ZNF618: variants seen among roughly 807,000 people sequenced by gnomAD.
The protein encoded by ZNF618 is neural precursor cell expressed, developmentally down-regulated 10.
In ZNF618, 34 loss-of-function variants were observed where a neutral mutation model predicts 103.0. The observed-to-expected ratio is 0.33, with a 90% CI of 0.25 to 0.44. ZNF618 has a LOEUF of 0.44. Among genes scored for constraint, ZNF618 ranks in the 20% least tolerant of loss-of-function variants. ZNF618 has a pLI of 1.00. For synonymous variants in ZNF618, 551 were observed against 542.2 expected (o/e 1.02, Z -0.23); for missense variants, 1,059 against 1,295.4 (o/e 0.82, Z 2.80).
chr9:114,012,134 C>A (rs905242398), intron 9 of ZNF618, among the ~76,000 whole-genome samples: 6 of 152,030 alleles, frequency 3.9e-5, no homozygotes, highest in Non-Finnish European at 7.4e-5. Flanking sequence ...ATCTAGAAGA[C>A]CATTCTGTTT....
intron 2 of ZNF618, among the ~76,000 whole-genome samples, chr9:113,980,920 A>C (rs574291273): frequency 2.6e-4 from 39 of 152,234 alleles, no homozygotes; most frequent in Non-Finnish European, 4.6e-4. Context: ...TGGAGGCAAC[A>C]GCCCATTGGA....
chr9:113,884,875 C>T (rs1828918460), intron 1 of ZNF618, among the ~76,000 whole-genome samples: 1 of 151,870 alleles, frequency 6.6e-6, no homozygotes, highest in Non-Finnish European at 1.5e-5. Context: ...AGTGAACAAG[C>T]GGAAGTGGGA....
chr9:113,984,536 C>T (rs1304930119), intron 2 of ZNF618, among the ~76,000 whole-genome samples: 1 of 152,216 alleles, frequency 6.6e-6, no homozygotes, highest in Non-Finnish European at 1.5e-5. Context: ...ACAGCTCCTC[C>T]CTTCCCCTAC....
At chr9:113,972,141 G>C (rs1838030053) in intron 2 of ZNF618, among the ~76,000 whole-genome samples, 1 of 151,868 alleles carries the variant, frequency 6.6e-6, no homozygotes, top group African/African-American at 2.4e-5. Context: ...TCTACCTCTT[G>C]GGCTCAAGCA....
chr9:113,936,315 A>G (rs1330842103), intron 1 of ZNF618, among the ~76,000 whole-genome samples: 1 of 152,142 alleles, frequency 6.6e-6, no homozygotes, highest in Non-Finnish European at 1.5e-5. Flanking sequence ...CAAAAAAGCT[A>G]CTCCCTGATG....
At chr9:114,011,840 C>G (rs1022050510) in intron 9 of ZNF618, among the ~76,000 whole-genome samples, 4 of 152,176 alleles carry the variant, frequency 2.6e-5, no homozygotes, top group African/African-American at 9.7e-5. Flanking sequence ...AGAGTTGGTC[C>G]AAGAAGCCTT....
At chr9:114,040,887 A>T (rs1215225498) in intron 13 of ZNF618, among the ~76,000 whole-genome samples, 36 of 145,954 alleles carry the variant, frequency 2.5e-4, no homozygotes, top group South Asian at 1.6e-3. Context: ...CTAGTTCTAG[A>T]TCCTTGAGGA....
intron 2 of ZNF618, among the ~76,000 whole-genome samples, chr9:113,974,784 C>A (rs908935392): frequency 1.3e-5 from 2 of 152,138 alleles, no homozygotes; most frequent in Non-Finnish European, 2.9e-5. Context: ...CACCACCTCT[C>A]CAGCCCTGCT....
intron 6 of ZNF618, among the ~76,000 whole-genome samples, chr9:114,006,827 T>G (rs1383550970): frequency 6.6e-6 from 1 of 152,094 alleles, no homozygotes; most frequent in Non-Finnish European, 1.5e-5. Flanking sequence ...TAGGGTTCTG[T>G]CCTTCCCACA....
intron 3 of ZNF618, among the ~76,000 whole-genome samples, chr9:113,990,332 C>CAAAT (rs1211957700): frequency 6.6e-6 from 1 of 152,152 alleles, no homozygotes; most frequent in African/African-American, 2.4e-5. Context: ...GATTGGGGCT[C>CAAAT]CAGGACCTGC....
intron 1 of ZNF618, among the ~76,000 whole-genome samples, chr9:113,889,491 T>G (rs1829423638): frequency 6.6e-6 from 1 of 152,244 alleles, no homozygotes; most frequent in South Asian, 2.1e-4. Context: ...CTGTTATGAC[T>G]TAGCCTCCAA....
intron 1 of ZNF618, among the ~76,000 whole-genome samples, chr9:113,928,160 C>T (rs1833263909): frequency 6.6e-6 from 1 of 152,086 alleles, no homozygotes; most frequent in South Asian, 2.1e-4. Flanking sequence ...TCTTCCAATG[C>T]AGTGATTTTT....
chr9:113,952,457 A>G (rs755259500), intron 1 of ZNF618, among the ~76,000 whole-genome samples: 1 of 152,146 alleles, frequency 6.6e-6, no homozygotes, highest in Non-Finnish European at 1.5e-5. Flanking sequence ...CCGCCTCAGG[A>G]CTAACTCTGA....
In ZNF618 at chr9:114,028,775, G is replaced by T; in HGVS notation, c.887G>T (p.Gly296Val). ...GAGCCACCGGATGATCCAGACACGGGCTCTGAGTGTTCACATCCAGAGGTC... is the reference window on the plus strand; with the variant it reads ...GAGCCACCGGATGATCCAGACACGGTCTCTGAGTGTTCACATCCAGAGGTC... ...GWEPPDDPDT[G>V]SECSHPEVSP... Residue 296 changes from glycine to valine, a missense_variant, in exon 11 of 15, where the codon GGC becomes GTC. This residue lies in a region of ZNF618 where 434 missense variants were observed against 476.0 expected (regional missense o/e 0.91). Transcript: ENST00000374126. The T allele has an allele frequency of 6.4e-7, 1 of 1,550,572 alleles. No homozygotes were observed. The highest frequency in any genetic ancestry group is 8.7e-7 in the Non-Finnish European group (1 of 1,146,998).
intron 2 of ZNF618, among the ~76,000 whole-genome samples, chr9:113,983,660 A>G (rs1478447994): frequency 6.6e-6 from 1 of 152,162 alleles, no homozygotes; most frequent in Non-Finnish European, 1.5e-5. Flanking sequence ...GGAAAAAGAC[A>G]TTCCCCTGTG....
chr9:114,017,039 A>C (rs1023316572), intron 10 of ZNF618, among the ~76,000 whole-genome samples: 7 of 151,998 alleles, frequency 4.6e-5, no homozygotes, highest in Non-Finnish European at 8.8e-5. Context: ...TGCCCACATG[A>C]TTGGGGTGAG....
chr9:114,015,864 G>T (rs530212779), intron 9 of ZNF618, among the ~76,000 whole-genome samples: 1 of 152,244 alleles, frequency 6.6e-6, no homozygotes, highest in African/African-American at 2.4e-5. Context: ...AAGTAATGTC[G>T]GTTGAATACA....
intron 10 of ZNF618, among the ~76,000 whole-genome samples, chr9:114,018,612 C>G (rs1454792452): frequency 6.6e-6 from 1 of 152,214 alleles, no homozygotes; most frequent in Non-Finnish European, 1.5e-5. Context: ...ATGAAGCTAT[C>G]CTACATCCCA....
At chr9:114,006,251 A>T (rs1221637532) in intron 6 of ZNF618, among the ~76,000 whole-genome samples, 1 of 152,190 alleles carries the variant, frequency 6.6e-6, no homozygotes, top group East Asian at 1.9e-4. Context: ...CCAACCCAGT[A>T]CTGATTTGCA....
Sources: allele counts gnomAD v4.1 joint callset (sites outside exome capture counted in the v4.1 genomes callset), GRCh38; gene constraint gnomAD v4.1.1; regional missense constraint gnomAD v4.1.1; transcripts MANE v1.5; gene names NCBI Gene and HGNC (gene_info 2026-07-23, HGNC 2026-07-21).